FGF7: variants seen among roughly 807,000 people sequenced by gnomAD.
FGF7 encodes the protein fibroblast growth factor 7, also known as FGF-7.
FGF7 carries 6 observed loss-of-function variants against 20.5 expected under a neutral mutation model. That is an observed-to-expected ratio of 0.29 (90% CI 0.16 to 0.58). The LOEUF (loss-of-function observed/expected upper bound fraction) is 0.58. Ranked by LOEUF, FGF7 falls within the 20% of genes least tolerant of loss-of-function variation. The pLI, the probability that FGF7 is intolerant of heterozygous loss-of-function variation, is 0.90. For synonymous variants in FGF7, 64 were observed against 74.7 expected (o/e 0.86, Z 0.74); for missense variants, 144 against 228.8 (o/e 0.63, Z 2.39).
chr15:49,467,822 G>A (rs998155671), intron 2 of FGF7, among the ~76,000 whole-genome samples: 2 of 152,052 alleles, frequency 1.3e-5, no homozygotes, highest in African/African-American at 2.4e-5. Flanking sequence ...GAGAAAGGTG[G>A]GTCCCTTGCA....
At chr15:49,441,801 G>A (rs1597214358) in intron 2 of FGF7, among the ~76,000 whole-genome samples, 3 of 150,750 alleles carry the variant, frequency 2.0e-5, no homozygotes, top group South Asian at 4.2e-4. Flanking sequence ...TAAAGAAAAT[G>A]TATTATCTCA....
chr15:49,449,268 A>G (rs1037424687), intron 2 of FGF7, among the ~76,000 whole-genome samples: 1 of 152,052 alleles, frequency 6.6e-6, no homozygotes, highest in Admixed American at 6.6e-5. Context: ...ATATGGAATA[A>G]AGCAATCATG....
At chr15:49,472,817 T>C (rs1339382636) in intron 2 of FGF7, among the ~76,000 whole-genome samples, 4 of 152,110 alleles carry the variant, frequency 2.6e-5, no homozygotes, top group African/African-American at 4.8e-5. Context: ...TAATGATAAA[T>C]AGTAGATGGA....
chr15:49,426,607 T>C (rs1465338360), intron 2 of FGF7, among the ~76,000 whole-genome samples: 1 of 151,952 alleles, frequency 6.6e-6, no homozygotes, highest in Non-Finnish European at 1.5e-5. Flanking sequence ...GTAGTACACA[T>C]GCATAAAATG....
chr15:49,456,934 T>C (rs534575499), intron 2 of FGF7, among the ~76,000 whole-genome samples: 1 of 152,214 alleles, frequency 6.6e-6, no homozygotes, highest in South Asian at 2.1e-4. Context: ...TTTAAAAAGA[T>C]ACCTTCATAT....
chr15:49,450,827 G>C (rs567287875), intron 2 of FGF7, among the ~76,000 whole-genome samples: 59 of 152,202 alleles, frequency 3.9e-4, no homozygotes, highest in African/African-American at 1.4e-3. Flanking sequence ...CAGGCAATTG[G>C]ATAGCTTAGG....
chr15:49,429,215 C>T (rs1240491710), intron 2 of FGF7, among the ~76,000 whole-genome samples: 2 of 152,036 alleles, frequency 1.3e-5, no homozygotes, highest in East Asian at 3.9e-4. Context: ...GAACCAAAAT[C>T]CTAGCAATTA....
At chr15:49,424,619 A>G in intron 2 of FGF7, 36 bp downstream of exon 2, 1 of 1,451,506 alleles carries the variant, frequency 6.9e-7, no homozygotes. Context: ...GAACCTTAGC[A>G]ATCTGTTAAT....
In FGF7 at chr15:49,461,138, C is replaced by G. The variant is rs546194602; in HGVS notation, c.287-22013C>G. Among the ~76,000 whole-genome samples, 55 of 152,306 alleles carry G rather than the reference C, an allele frequency of 3.6e-4. No homozygotes were observed. In the South Asian group the frequency reaches 0.01, roughly 29 times the overall value. On this transcript the variant is annotated intron_variant, in intron 2 of 3. Transcript: ENST00000267843. ...CTTCCATCCTGATGAACTTCTTCTTCCTATCTGTTGAAGTCCTCCTCGACT... is the reference window on the plus strand; with the variant it reads ...CTTCCATCCTGATGAACTTCTTCTTGCTATCTGTTGAAGTCCTCCTCGACT...
intron 2 of FGF7, among the ~76,000 whole-genome samples, chr15:49,438,425 G>A (rs1289587430): frequency 6.6e-5 from 10 of 151,674 alleles, no homozygotes; most frequent in Admixed American, 1.3e-4. Context: ...CCCAGTCTTT[G>A]ATACAGGGAT....
At chr15:49,462,700 C>T (rs1317620662) in intron 2 of FGF7, among the ~76,000 whole-genome samples, 1 of 152,172 alleles carries the variant, frequency 6.6e-6, no homozygotes, top group Non-Finnish European at 1.5e-5. Flanking sequence ...CTCTTTCTCT[C>T]ATTCAATTTA....
chr15:49,429,462 C>T (rs765870193), intron 2 of FGF7, among the ~76,000 whole-genome samples: 5 of 151,946 alleles, frequency 3.3e-5, no homozygotes, highest in Non-Finnish European at 7.4e-5. Context: ...CATCTCTTTT[C>T]TCTTTTGTAA....
At chr15:49,427,601 T>C (rs910939464) in intron 2 of FGF7, among the ~76,000 whole-genome samples, 2 of 152,030 alleles carry the variant, frequency 1.3e-5, no homozygotes, top group Non-Finnish European at 2.9e-5. Context: ...ATTATTCTTC[T>C]GGTTACCAAA....
At chr15:49,447,544 C>T (rs1270697069) in intron 2 of FGF7, among the ~76,000 whole-genome samples, 1 of 151,584 alleles carries the variant, frequency 6.6e-6, no homozygotes, top group Non-Finnish European at 1.5e-5. Context: ...GTAGCATATG[C>T]GTTGATGTAT....
At chr15:49,439,524 T>C (rs2051433459) in intron 2 of FGF7, among the ~76,000 whole-genome samples, 1 of 151,796 alleles carries the variant, frequency 6.6e-6, no homozygotes. Flanking sequence ...GCATGGTTTT[T>C]GCATCTGAAG....
chr15:49,472,635 C>T (rs1262114017), intron 2 of FGF7, among the ~76,000 whole-genome samples: 2 of 152,066 alleles, frequency 1.3e-5, no homozygotes, highest in South Asian at 2.1e-4. Flanking sequence ...AAAATGCGTA[C>T]ATATGATTGA....
Position 49,487,352 on chromosome 15 carries a change from A to G in FGF7, c.*2848A>G, listed in dbSNP as rs1469065424. ...AAAGAAAAAATTAAAACATGAAATG[A>G]TAACAAAAGTAAACAAAAGATACTT... On this transcript the variant is annotated 3_prime_UTR_variant, in exon 4 of 4. Coordinates refer to ENST00000267843, the MANE Select transcript of FGF7 (RefSeq NM_002009.4). The G allele has an allele frequency of 6.6e-6, 1 of 151,958 alleles. No homozygotes were observed. The highest frequency in any genetic ancestry group is 1.9e-4 in the East Asian group (1 of 5,198). 9.4% of individuals were successfully genotyped at this position (151,958 alleles called of 1,614,324 possible).
At chr15:49,447,736 T>C (rs1292710524) in intron 2 of FGF7, among the ~76,000 whole-genome samples, 6 of 151,840 alleles carry the variant, frequency 4.0e-5, no homozygotes, top group South Asian at 2.1e-4. Flanking sequence ...AAAATTTTTA[T>C]GTGGAATGAC....
chr15:49,447,990 C>T (rs909021406), intron 2 of FGF7, among the ~76,000 whole-genome samples: 1 of 151,644 alleles, frequency 6.6e-6, no homozygotes, highest in African/African-American at 2.4e-5. Flanking sequence ...TCAAAAGCTG[C>T]TCCAGATATC....
Sources: gnomAD v4.1 joint callset for allele counts (sites outside exome capture counted in the v4.1 genomes callset) on GRCh38, gnomAD v4.1.1 for gene constraint, MANE v1.5 for transcripts, NCBI Gene and HGNC (gene_info 2026-07-23, HGNC 2026-07-21) for gene names.